Variants in CPPED1 observed in about 807,000 individuals in gnomAD.
CPPED1 encodes calcineurin like phosphoesterase domain containing 1.
CPPED1 carries 28 observed loss-of-function variants against 28.0 expected under a neutral mutation model. The observed-to-expected ratio is 1.00, with a 90% CI of 0.74 to 1.37. CPPED1 has a LOEUF of 1.37. CPPED1 is among the 40% of genes most tolerant of loss of function. The pLI, the probability that CPPED1 is intolerant of heterozygous loss-of-function variation, is 0.00. For missense variants in CPPED1, 504 were observed against 416.5 expected (o/e 1.21, Z -1.83); for synonymous variants, 198 against 180.2 (o/e 1.10, Z -0.79).
chr16:12,708,061 C>T (rs1305187192), intron 2 of CPPED1, among the ~76,000 whole-genome samples: 3 of 152,106 alleles, frequency 2.0e-5, no homozygotes, highest in Admixed American at 6.6e-5. Flanking sequence ...GCAGGAGAAT[C>T]GCTTGAACCC....
chr16:12,692,215 A>G (rs906740498), intron 3 of CPPED1, among the ~76,000 whole-genome samples: 7 of 152,098 alleles, frequency 4.6e-5, no homozygotes, highest in African/African-American at 1.7e-4. Flanking sequence ...GGTGGTTTTT[A>G]ATACCCACTG....
chr16:12,755,529 C>T (rs1310976119), intron 2 of CPPED1, among the ~76,000 whole-genome samples: 3 of 151,998 alleles, frequency 2.0e-5, no homozygotes, highest in African/African-American at 7.3e-5. Context: ...GCAATCCTCC[C>T]ACCTCAGCCT....
At chr16:12,707,818 AC>A (rs201283467) in intron 2 of CPPED1, among the ~76,000 whole-genome samples, 2 of 152,192 alleles carry the variant, frequency 1.3e-5, no homozygotes, top group Non-Finnish European at 2.9e-5. Flanking sequence ...TAAAAAAAAA[AC>A]GCAGCTCATC....
chr16:12,756,296 C>A (rs1596473386), intron 2 of CPPED1, among the ~76,000 whole-genome samples: 2 of 152,282 alleles, frequency 1.3e-5, no homozygotes, highest in African/African-American at 4.8e-5. Flanking sequence ...CTGAAATTCA[C>A]AAGGGCAAAA....
chr16:12,748,123 G>C (rs1353658366), intron 2 of CPPED1, among the ~76,000 whole-genome samples: 1 of 152,154 alleles, frequency 6.6e-6, no homozygotes, highest in Non-Finnish European at 1.5e-5. Flanking sequence ...GATTATTCCA[G>C]AATCTCTTGC....
intron 3 of CPPED1, among the ~76,000 whole-genome samples, chr16:12,667,391 G>A (rs1324573755): frequency 6.6e-6 from 1 of 152,116 alleles, no homozygotes; most frequent in Non-Finnish European, 1.5e-5. Flanking sequence ...ATGAGAACAG[G>A]AGGTAATGAA....
rs1651001 is a variant in CPPED1 at position 12,670,943 on chromosome 16, C to T, written c.716-5828G>A. Among the ~76,000 whole-genome samples, 5,544 of 152,146 alleles carry T rather than the reference C, an allele frequency of 0.036. 148 individuals carry two copies. The highest frequency in any genetic ancestry group is 0.048 in the Non-Finnish European group (3,287 of 68,002). ...TCGGCTCACTGCAAACTCCGCCTCC[C>T]GGGTTCAAGTGATTCTCCTGCCTCA... On this transcript the variant is annotated intron_variant, in intron 3 of 3. Transcript: ENST00000381774. This position sits in a 1 kb window ranked among gnomAD's most constrained non-coding sequence, Gnocchi z 4.2.
intron 2 of CPPED1, among the ~76,000 whole-genome samples, chr16:12,754,442 T>C (rs544460350): frequency 6.6e-6 from 1 of 152,262 alleles, no homozygotes; most frequent in South Asian, 2.1e-4. Context: ...TCACATTTAA[T>C]ACACTCAGGG....
chr16:12,714,629 T>C (rs2080097766), intron 2 of CPPED1, among the ~76,000 whole-genome samples: 1 of 152,246 alleles, frequency 6.6e-6, no homozygotes, highest in Non-Finnish European at 1.5e-5. Context: ...ATTTTTCAGT[T>C]GGGTTATTTG....
At chr16:12,758,441 A>G (rs1005485566) in intron 2 of CPPED1, among the ~76,000 whole-genome samples, 5 of 152,210 alleles carry the variant, frequency 3.3e-5, no homozygotes, top group African/African-American at 4.8e-5. Flanking sequence ...AATCAGATAA[A>G]TGGCAGAGAA....
intron 1 of CPPED1, among the ~76,000 whole-genome samples, chr16:12,801,018 C>T (rs1460165268): frequency 6.6e-6 from 1 of 152,174 alleles, no homozygotes; most frequent in African/African-American, 2.4e-5. Context: ...AACCACTCCC[C>T]CGCCCCCAAC....
At chr16:12,690,558 T>C (rs920488454) in intron 3 of CPPED1, among the ~76,000 whole-genome samples, 4 of 151,192 alleles carry the variant, frequency 2.6e-5, no homozygotes, top group Non-Finnish European at 5.9e-5. Context: ...GGCTCATGCC[T>C]GTAATCCAAG....
chr16:12,782,542 G>T (rs2080538138), intron 1 of CPPED1, among the ~76,000 whole-genome samples: 1 of 120,120 alleles, frequency 8.3e-6, no homozygotes, highest in Admixed American at 9.4e-5. Flanking sequence ...ATCACCTTGA[G>T]GCTGTTTTTT....
At chr16:12,734,371 C>A (rs915825126) in intron 2 of CPPED1, among the ~76,000 whole-genome samples, 1 of 150,410 alleles carries the variant, frequency 6.6e-6, no homozygotes, top group African/African-American at 2.5e-5. Context: ...CACCTGGCCA[C>A]ACAATAATTT....
At chr16:12,686,239 A>ATTTTTT (rs1374336715) in intron 3 of CPPED1, among the ~76,000 whole-genome samples, 1 of 116,408 alleles carries the variant, frequency 8.6e-6, no homozygotes, top group Non-Finnish European at 1.6e-5. Flanking sequence ...ATATATATAT[A>ATTTTTT]TATTTTTTTT....
At chr16:12,789,918 G>C (rs963463205) in intron 1 of CPPED1, among the ~76,000 whole-genome samples, 2 of 152,156 alleles carry the variant, frequency 1.3e-5, no homozygotes, top group African/African-American at 2.4e-5. Flanking sequence ...GTCACCTGTT[G>C]TATAGAGAAT....
intron 2 of CPPED1, among the ~76,000 whole-genome samples, chr16:12,774,136 G>T (rs1263395677): frequency 6.6e-6 from 1 of 152,086 alleles, no homozygotes; most frequent in African/African-American, 2.4e-5. Context: ...AAGTGAGTCC[G>T]CCAGGGATGA....
intron 2 of CPPED1, among the ~76,000 whole-genome samples, chr16:12,732,077 CGCCT>C (rs2080200828): frequency 6.6e-6 from 1 of 151,726 alleles, no homozygotes. Flanking sequence ...GCAGTAGAAT[CGCCT>C]GGGGGGCAGA....
At chr16:12,702,810 C>A (rs1017893360) in intron 3 of CPPED1, among the ~76,000 whole-genome samples, 4 of 151,762 alleles carry the variant, frequency 2.6e-5, no homozygotes, top group South Asian at 2.1e-4. Context: ...ACCAGCCTGG[C>A]CAACATGGTG....
Sources: gnomAD v4.1 joint callset for allele counts (sites outside exome capture counted in the v4.1 genomes callset) on GRCh38, gnomAD v4.1.1 for gene constraint, Gnocchi (gnomAD v3.1) non-coding constraint, MANE v1.5 for transcripts, NCBI Gene and HGNC (gene_info 2026-07-23, HGNC 2026-07-21) for gene names.